The following EXOC6B variants were observed in gnomAD, a reference collection of about 807,000 sequenced individuals.
The protein encoded by EXOC6B is SEC15 homolog B.
A neutral mutation model predicts 113.5 loss-of-function variants in EXOC6B; 54 were observed. That is an observed-to-expected ratio of 0.48 (90% CI 0.38 to 0.60). EXOC6B has a LOEUF of 0.60. Among genes scored for constraint, EXOC6B ranks in the 20% least tolerant of loss-of-function variants. The pLI, the probability that EXOC6B is intolerant of heterozygous loss-of-function variation, is 0.00. For missense variants in EXOC6B, 797 were observed against 977.5 expected (o/e 0.82, Z 2.46); for synonymous variants, 357 against 339.0 (o/e 1.05, Z -0.58).
At chr2:72,729,672 G>A (rs370270649) in intron 5 of EXOC6B, among the ~76,000 whole-genome samples, 132 of 151,932 alleles carry the variant, frequency 8.7e-4, no homozygotes, top group Admixed American at 4.6e-4. Flanking sequence ...TGATCCACCC[G>A]CCTCAGCCTC....
intron 6 of EXOC6B, among the ~76,000 whole-genome samples, chr2:72,643,428 C>T (rs1241874866): frequency 3.4e-5 from 5 of 148,606 alleles, no homozygotes; most frequent in Admixed American, 2.0e-4. Context: ...GAATACTATG[C>T]AGCCATAAAA....
chr2:72,664,811 G>C (rs949167847), intron 6 of EXOC6B, among the ~76,000 whole-genome samples: 4 of 152,210 alleles, frequency 2.6e-5, no homozygotes, highest in African/African-American at 7.2e-5. Flanking sequence ...GTGCAGCCTG[G>C]GTGCTATGCT....
intron 18 of EXOC6B, among the ~76,000 whole-genome samples, chr2:72,416,566 G>A (rs1269713524): frequency 6.6e-6 from 1 of 152,204 alleles, no homozygotes; most frequent in African/African-American, 2.4e-5. Flanking sequence ...AGAAGATGCA[G>A]GGGCTGCTGC....
chr2:72,415,576 C>T (rs183847199), intron 18 of EXOC6B, among the ~76,000 whole-genome samples: 1 of 150,806 alleles, frequency 6.6e-6, no homozygotes, highest in East Asian at 2.0e-4. Context: ...AGCTGTCTCA[C>T]AGTGTCCAAA....
At chr2:72,799,161 GC>G (rs1318912042) in intron 1 of EXOC6B, among the ~76,000 whole-genome samples, 3 of 142,990 alleles carry the variant, frequency 2.1e-5, no homozygotes, top group African/African-American at 8.1e-5. Context: ...AATCGCTTGT[GC>G]CCAGGAGGTC....
chr2:72,465,325 T>A lies in EXOC6B; in HGVS notation c.1815A>T (p.Ala605=), dbSNP rs1697979623. Residue 605 remains alanine, a synonymous_variant, in exon 18 of 22, where the codon GCA becomes GCT. Coordinates refer to ENST00000272427, the MANE Select transcript of EXOC6B (RefSeq NM_015189.3). ...GTTTFKDARH[A]AEEEIYTNLN... ...AGTTGGTATAAATCTCTTCTTCAGC[T>A]GCATGTCTAGCATCCTGTGAAAAAA... The A allele has an allele frequency of 6.3e-7, 1 of 1,596,568 alleles. No homozygotes were observed. Among genetic ancestry groups the A allele is most frequent in the Non-Finnish European group, 8.5e-7 (1 of 1,171,126 alleles).
chr2:72,302,945 A>G (rs1686619317), intron 20 of EXOC6B, among the ~76,000 whole-genome samples: 1 of 151,806 alleles, frequency 6.6e-6, no homozygotes, highest in Non-Finnish European at 1.5e-5. Context: ...CTGTTTTTGT[A>G]TTGGTTGGTA....
At chr2:72,506,568 G>A (rs1430616034) in intron 11 of EXOC6B, among the ~76,000 whole-genome samples, 4 of 152,076 alleles carry the variant, frequency 2.6e-5, no homozygotes, top group African/African-American at 9.7e-5. Flanking sequence ...TCCTTATTAA[G>A]TACTTTAAGA....
At chr2:72,393,333 A>T (rs1182328433) in intron 18 of EXOC6B, among the ~76,000 whole-genome samples, 1 of 151,942 alleles carries the variant, frequency 6.6e-6, no homozygotes, top group Non-Finnish European at 1.5e-5. Context: ...TGACCTCGTG[A>T]TCCACCCACC....
chr2:72,198,310 C>T lies in EXOC6B; in HGVS notation c.2197-14123G>A, dbSNP rs28278. ...AAAGCATTAAGGGCCTGCTCTCTCACAGAGCAGGCTGCCTCCTCCTTTTCC... is the reference window on the plus strand; with the variant it reads ...AAAGCATTAAGGGCCTGCTCTCTCATAGAGCAGGCTGCCTCCTCCTTTTCC... On this transcript the variant is annotated intron_variant, in intron 20 of 21. Transcript: ENST00000272427. 1.1e-4 allele frequency among the ~76,000 whole-genome samples: 16 copies of T among 152,146 alleles called. No homozygotes were observed. The East Asian group carries it at 2.7e-3, about 26-fold the overall frequency.
intron 18 of EXOC6B, among the ~76,000 whole-genome samples, chr2:72,404,763 CAG>C (rs1230997035): frequency 2.6e-5 from 4 of 152,130 alleles, no homozygotes; most frequent in African/African-American, 9.7e-5. Context: ...GCGGAAAAAA[CAG>C]AGTAGAAAAA....
chr2:72,384,768 C>T (rs1691898370), intron 18 of EXOC6B, among the ~76,000 whole-genome samples: 2 of 151,474 alleles, frequency 1.3e-5, no homozygotes, highest in Admixed American at 1.3e-4. Context: ...TCACTTACAA[C>T]AACTATTTAA....
intron 8 of EXOC6B, among the ~76,000 whole-genome samples, chr2:72,534,898 T>C (rs1431250276): frequency 6.6e-6 from 1 of 152,188 alleles, no homozygotes. Flanking sequence ...TAGCTTTTGG[T>C]TTCTTTTTTC....
intron 6 of EXOC6B, among the ~76,000 whole-genome samples, chr2:72,637,743 T>A (rs561306410): frequency 4.7e-5 from 7 of 148,636 alleles, no homozygotes; most frequent in African/African-American, 1.8e-4. Flanking sequence ...TCAGCCAAGA[T>A]CACACCACTG....
At chr2:72,489,288 A>G (rs1034116423) in intron 16 of EXOC6B, among the ~76,000 whole-genome samples, 3 of 152,064 alleles carry the variant, frequency 2.0e-5, no homozygotes, top group African/African-American at 7.2e-5. Flanking sequence ...AAGGATCTCT[A>G]TTGTTGTTGT....
At chr2:72,283,436 C>T (rs954110986) in intron 20 of EXOC6B, among the ~76,000 whole-genome samples, 1 of 152,152 alleles carries the variant, frequency 6.6e-6, no homozygotes, top group South Asian at 2.1e-4. Context: ...TCACAACATA[C>T]TGGAAGCAGA....
At chr2:72,674,144 G>T (rs1227051772) in intron 6 of EXOC6B, among the ~76,000 whole-genome samples, 9 of 152,138 alleles carry the variant, frequency 5.9e-5, no homozygotes. Context: ...TCACCACTTT[G>T]ATTTTATGAG....
chr2:72,545,447 G>T (rs1702845732), intron 8 of EXOC6B, among the ~76,000 whole-genome samples: 1 of 151,888 alleles, frequency 6.6e-6, no homozygotes, highest in South Asian at 2.1e-4. Context: ...TAAATTTATG[G>T]GTTATTAAAT....
chr2:72,754,424 G>T (rs578013514), intron 1 of EXOC6B, among the ~76,000 whole-genome samples: 2 of 151,448 alleles, frequency 1.3e-5, no homozygotes, highest in South Asian at 4.2e-4. Flanking sequence ...TAGAGATGAG[G>T]TCTTGCTACA....
Sources: gnomAD v4.1 joint callset for allele counts (sites outside exome capture counted in the v4.1 genomes callset) on GRCh38, gnomAD v4.1.1 for gene constraint, MANE v1.5 for transcripts, NCBI Gene and HGNC (gene_info 2026-07-23, HGNC 2026-07-21) for gene names.